Variants in NSL1 observed in about 807,000 individuals in gnomAD.
NSL1 encodes the protein kinetochore-associated protein NSL1 homolog.
Under a neutral mutation model 25.4 loss-of-function variants are expected in NSL1, and 11 were observed. The observed-to-expected ratio is 0.43, with a 90% CI of 0.27 to 0.72. The LOEUF (loss-of-function observed/expected upper bound fraction) is 0.72. Ranked by LOEUF, NSL1 falls within the 30% of genes least tolerant of loss-of-function variation. The probability of loss-of-function intolerance (pLI) is 0.19; values close to 1 mark genes in which losing one functional copy is unlikely to be tolerated. For missense variants in NSL1, 330 were observed against 342.7 expected (o/e 0.96, Z 0.29); for synonymous variants, 118 against 120.6 (o/e 0.98, Z 0.14).
chr1:212,766,703 G>T (rs1169436958), intron 4 of NSL1, among the ~76,000 whole-genome samples: 2 of 149,534 alleles, frequency 1.3e-5, no homozygotes, highest in African/African-American at 2.5e-5. Flanking sequence ...AAAGCTCCTA[G>T]ATTGGATAAA....
intron 4 of NSL1, among the ~76,000 whole-genome samples, chr1:212,745,181 TATATATATATATATATATATATGC>T (rs1370332650): frequency 0.049 from 1,137 of 23,048 alleles, 30 homozygotes; most frequent in African/African-American, 0.1. Context: ...TATATATATA[TATATATATATATATATATATATGC>T]ATATGCATAT....
rs1659629149 is a variant in NSL1 at position 212,762,649 on chromosome 1, G to A, written c.499+19723C>T. Among the ~76,000 whole-genome samples, 5 of 152,318 alleles carry A rather than the reference G, an allele frequency of 3.3e-5. No individual in the cohort carries two copies. The South Asian group carries it at 1.0e-3, about 32-fold the overall frequency. ...CTAAGTTCCCAGAGTGTAAGCAGGG[G>A]AATGAGCCTGTCTCGGAGCACACAT... On this transcript the variant is annotated intron_variant, in intron 4 of 5. Transcript: ENST00000366977.
chr1:212,754,769 C>CAAAAAAAAAAAAAAAAA lies in NSL1; in HGVS notation c.500-15169_500-15168insTTTTTTTTTTTTTTTTT, dbSNP rs59259608. Among the ~76,000 whole-genome samples, 54 of 71,266 alleles carry CAAAAAAAAAAAAAAAAA rather than the reference C, an allele frequency of 7.6e-4. 1 individual carries two copies. The highest frequency in any genetic ancestry group is 2.9e-3 in the African/African-American group (48 of 16,380). The allele number at this position is 71,266 out of a possible 152,430, so 46.8% of individuals were successfully genotyped here. A position where few individuals can be genotyped will look rare whatever the true frequency, so the allele number is the denominator to read the frequency against. ...GGGCAACAAGAGTAAAATTCTGTCT[C>CAAAAAAAAAAAAAAAAA]AAAAAAAAAAAAAAAACCAACTCAA... On this transcript the variant is annotated intron_variant, in intron 4 of 5. Coordinates refer to ENST00000366977, the MANE Select transcript of NSL1 (RefSeq NM_015471.4).
In NSL1 at chr1:212,727,063, G is replaced by A. The variant is rs567078331; in HGVS notation, c.*11345C>T. Reference sequence around the variant, plus strand: ...GCCGAGAGAGGGAGGGCGGGCTCTGGGTCACCCAGCTTCATCCTCTTCATC... The same window carrying A: ...GCCGAGAGAGGGAGGGCGGGCTCTGAGTCACCCAGCTTCATCCTCTTCATC... On this transcript the variant is annotated 3_prime_UTR_variant, in exon 6 of 6. Coordinates refer to ENST00000366977, the MANE Select transcript of NSL1 (RefSeq NM_015471.4). The A allele has an allele frequency of 4.6e-6, 7 of 1,525,030 alleles. No individual in the cohort carries two copies. The South Asian group carries it at 8.6e-5, about 19-fold the overall frequency. The allele number at this position is 1,525,030 out of a possible 1,614,324, so 94.5% of individuals were successfully genotyped here.
rs1472484276 is a variant in NSL1 at position 212,769,315 on chromosome 1, A to G, written c.499+13057T>C. Among the ~76,000 whole-genome samples the G allele has an allele frequency of 2.0e-5, 3 of 152,220 alleles. No individual in the cohort carries two copies. The East Asian group carries it at 5.8e-4, about 29-fold the overall frequency. ...CAAAAGGTCTTCACCAAGGCACATTATACTCAAACTATCAAAAGGCAAAGA... is the reference window on the plus strand; with the variant it reads ...CAAAAGGTCTTCACCAAGGCACATTGTACTCAAACTATCAAAAGGCAAAGA... On this transcript the variant is annotated intron_variant, in intron 4 of 5. Transcript: ENST00000366977.
intron 2 of NSL1, 42 bp downstream of exon 2, chr1:212,787,517 A>AAAT: frequency 6.9e-7 from 1 of 1,458,588 alleles, no homozygotes; most frequent in Non-Finnish European, 9.4e-7. Flanking sequence ...TTAGCTGCAA[A>AAAT]AATAACCCAG....
chr1:212,760,570 AC>A lies in NSL1; in HGVS notation c.500-20970del, dbSNP rs1181491201. Among the ~76,000 whole-genome samples, 3 of 150,384 alleles carry A rather than the reference AC, an allele frequency of 2.0e-5. No homozygotes were observed. Among genetic ancestry groups the A allele is most frequent in the East Asian group, 3.9e-4 (2 of 5,102 alleles). ...CATCACCACCACCATCACCGCCAGG[AC>A]CCCCCTAAATGTGCTCTGGGGGGAC... On this transcript the variant is annotated intron_variant, in intron 4 of 5. Transcript: ENST00000366977. This position sits in a 1 kb window ranked among gnomAD's most constrained non-coding sequence, Gnocchi z 4.3.
chr1:212,789,153 C>G (rs1427111977), intron 1 of NSL1, among the ~76,000 whole-genome samples: 1 of 152,118 alleles, frequency 6.6e-6, no homozygotes, highest in African/African-American at 2.4e-5. Context: ...AGTTAAAGTA[C>G]ATATTCTACA....
intron 4 of NSL1, among the ~76,000 whole-genome samples, chr1:212,756,373 G>A (rs1186686924): frequency 1.3e-5 from 2 of 152,290 alleles, no homozygotes; most frequent in Admixed American, 1.3e-4. Flanking sequence ...GCTTCCCAAA[G>A]TGCTGGGCTT....
chr1:212,747,891 A>C (rs1199192051), intron 4 of NSL1, among the ~76,000 whole-genome samples: 1 of 152,080 alleles, frequency 6.6e-6, no homozygotes, highest in African/African-American at 2.4e-5. Flanking sequence ...CAGCCTCCTG[A>C]GTAGCTGGGA....
chr1:212,772,311 C>T (rs1418548120), intron 4 of NSL1, among the ~76,000 whole-genome samples: 2 of 152,068 alleles, frequency 1.3e-5, no homozygotes, highest in Non-Finnish European at 2.9e-5. Context: ...AAGCAATCTA[C>T]GAATACAATG....
In NSL1 at chr1:212,791,725, T is replaced by C. The variant is rs35464401; in HGVS notation, c.39A>G (p.Pro13=). The change falls in exon 1 of 6, where the codon CCA becomes CCG. Residue 13 remains proline (P), a synonymous_variant. Coordinates refer to ENST00000366977, the MANE Select transcript of NSL1 (RefSeq NM_015471.4). The stretch of plus-strand genomic sequence containing the variant: ...TGCCAGCCGCGAGCTCCTTGTCCCA[T>C]GGAGGGTCAAGGACCACCAACTCAG... ...GSPELVVLDP[P]WDKELAAGTE... 4,461 of 1,613,590 alleles carry C rather than the reference T, an allele frequency of 2.8e-3. 109 individuals are homozygous for C. In the African/African-American group the frequency reaches 0.053, roughly 19 times the overall value.
At chr1:212,770,489 C>A (rs866786001) in intron 4 of NSL1, among the ~76,000 whole-genome samples, 7 of 150,460 alleles carry the variant, frequency 4.7e-5, no homozygotes, top group Middle Eastern at 3.5e-3. Context: ...AACAAACAAA[C>A]AAACAAAAAA....
intron 4 of NSL1, among the ~76,000 whole-genome samples, chr1:212,758,237 A>C (rs1457964687): frequency 6.6e-6 from 1 of 152,242 alleles, no homozygotes; most frequent in Non-Finnish European, 1.5e-5. Flanking sequence ...AGCATTAAGA[A>C]TATAGAGAAA....
In NSL1 at chr1:212,784,348, G is replaced by A. The variant is rs1430388446; in HGVS notation, c.444+15C>T. ...GTAAAATATACTATAACATTTTAAAGGCAAATCATCTTACCAGAATTTCTT... is the reference window on the plus strand; with the variant it reads ...GTAAAATATACTATAACATTTTAAAAGCAAATCATCTTACCAGAATTTCTT... On this transcript the variant is annotated intron_variant, in intron 3 of 5. Transcript: ENST00000366977. The A allele has an allele frequency of 1.9e-5, 29 of 1,541,216 alleles. No individual in the cohort carries two copies. The Admixed American group carries it at 5.3e-4, about 28-fold the overall frequency.
rs1490701960 is a variant in NSL1 at position 212,735,684 on chromosome 1, G to C, written c.*2724C>G. On this transcript the variant is annotated 3_prime_UTR_variant, in exon 6 of 6. Coordinates refer to ENST00000366977, the MANE Select transcript of NSL1 (RefSeq NM_015471.4). ...GGTTAAATGAGGCCATAAGGGTGGG[G>C]CTCTGATCTGATACAATTGGTGTCC... 1.3e-5 allele frequency: 4 copies of C among 308,116 alleles called. No homozygotes were observed. Among genetic ancestry groups the C allele is most frequent in the Non-Finnish European group, 1.9e-5 (4 of 211,032 alleles). 19.1% of individuals were successfully genotyped at this position (308,116 alleles called of 1,614,324 possible).
chr1:212,727,152 C>G lies in NSL1; in HGVS notation c.*11256G>C. Reference sequence around the variant, plus strand: ...CGATCCCCTTCTCTCCTAAACTGCCCCTAGAGCTAGTCCACCAGGCTTGGC... The same window carrying G: ...CGATCCCCTTCTCTCCTAAACTGCCGCTAGAGCTAGTCCACCAGGCTTGGC... On this transcript the variant is annotated 3_prime_UTR_variant, in exon 6 of 6. Transcript: ENST00000366977. The G allele has an allele frequency of 6.3e-7, 1 of 1,575,632 alleles. No homozygotes were observed.
rs1657907394 is a variant in NSL1, at chr1:212,729,214, G to T, written c.*9194C>A. The T allele has an allele frequency of 1.0e-6, 1 of 985,288 alleles. No homozygotes were observed. Among genetic ancestry groups the T allele is most frequent in the African/African-American group, 1.7e-5 (1 of 57,228 alleles). The allele number at this position is 985,288 out of a possible 1,614,324, so 61.0% of individuals were successfully genotyped here. ...CCAAACCCATGAGTTTCACTCTCAG[G>T]TTCCCTCTAGGAGCAGAAGTGCAGG... On this transcript the variant is annotated 3_prime_UTR_variant, in exon 6 of 6. Transcript: ENST00000366977.
At chr1:212,779,508 G>A (rs1204417756) in intron 4 of NSL1, among the ~76,000 whole-genome samples, 2 of 112,872 alleles carry the variant, frequency 1.8e-5, no homozygotes, top group African/African-American at 7.2e-5. Flanking sequence ...GGAGGGAGGT[G>A]GGGGGGTCAG....
Sources: allele counts gnomAD v4.1 joint callset (sites outside exome capture counted in the v4.1 genomes callset), GRCh38; gene constraint gnomAD v4.1.1; non-coding constraint Gnocchi (gnomAD v3.1); transcripts MANE v1.5; gene names NCBI Gene and HGNC (gene_info 2026-07-23, HGNC 2026-07-21).